The following HYLS1 variants were observed in gnomAD, a reference collection of about 807,000 sequenced individuals.
The protein encoded by HYLS1 is centriolar and ciliogenesis-associated protein HYLS1.
HYLS1 carries 25 observed loss-of-function variants against 29.4 expected under a neutral mutation model. That is an observed-to-expected ratio of 0.85 (90% CI 0.62 to 1.19). The LOEUF (loss-of-function observed/expected upper bound fraction) is 1.19. Among genes scored for constraint, HYLS1 ranks in the 50% most tolerant of loss-of-function variants. The pLI is 0.00. For missense variants in HYLS1, 352 were observed against 365.1 expected (o/e 0.96, Z 0.29); for synonymous variants, 128 against 126.7 (o/e 1.01, Z -0.07).
chr11:125,898,619 A>G (rs751453395), intron 2 of HYLS1, among the ~76,000 whole-genome samples: 3 of 152,042 alleles, frequency 2.0e-5, no homozygotes, highest in African/African-American at 4.8e-5. Context: ...GGAGGTTGCA[A>G]TGAGCCGAGA....
At chr11:125,888,195 G>T (rs1591492208) in intron 1 of HYLS1, 1 of 152,298 alleles carries the variant, frequency 6.6e-6, no homozygotes, top group East Asian at 1.9e-4. Context: ...CCGTTGAAAG[G>T]CGGAGCGTGT....
chr11:125,886,079 C>T (rs1162509556), upstream of HYLS1, among the ~76,000 whole-genome samples: 1 of 152,082 alleles, frequency 6.6e-6, no homozygotes, highest in Non-Finnish European at 1.5e-5. Flanking sequence ...TGAATCATCC[C>T]AAAACCATAC....
At chr11:125,892,070 TG>T (rs1565450218) in intron 2 of HYLS1, among the ~76,000 whole-genome samples, 3 of 152,240 alleles carry the variant, frequency 2.0e-5, no homozygotes, top group African/African-American at 7.2e-5. Flanking sequence ...AGTAAAACTT[TG>T]GATCTCATAA....
At chr11:125,884,177 T>C (rs1365011891), upstream of HYLS1, among the ~76,000 whole-genome samples, 1 of 152,158 alleles carries the variant, frequency 6.6e-6, no homozygotes, top group African/African-American at 2.4e-5. Context: ...AAAGAACATA[T>C]GGATTTGACA....
chr11:125,900,098 C>T lies in HYLS1; in HGVS notation c.730C>T (p.Gln244Ter), dbSNP rs754264688. ...GGAATTACGCTGGGGTGTCCGAGAG[C>T]AGATGCTTTGTCGAGCAGAACCCCA... ...RKELRWGVRE[Q>*]MLCRAEPQSK... Residue 244 changes from glutamine to a stop codon, truncating the protein, a stop_gained, in exon 3 of 3, where the codon CAG becomes TAG. Transcript: ENST00000425380. LOFTEE classifies it high-confidence loss of function. The T allele has an allele frequency of 6.2e-7, 1 of 1,614,174 alleles. No individual in the cohort carries two copies. The highest frequency in any genetic ancestry group is 8.5e-7 in the Non-Finnish European group (1 of 1,180,038).
chr11:125,886,092 C>T (rs73626614), upstream of HYLS1, among the ~76,000 whole-genome samples: 1 of 152,120 alleles, frequency 6.6e-6, no homozygotes, highest in East Asian at 1.9e-4. Context: ...AACCATACCC[C>T]CTCTCTGAGC....
In HYLS1 at chr11:125,889,795, C is replaced by G. The variant is rs1944378930; in HGVS notation, c.-75-1628C>G. On this transcript the variant is annotated intron_variant, in intron 1 of 2. Transcript: ENST00000425380. ...GCCCTCTGGAAAAACGGATTATCCC[C>G]AACACACAGGGCATAATAAGGATGC... 2.0e-5 allele frequency among the ~76,000 whole-genome samples: 3 copies of G among 152,226 alleles called. No homozygotes were observed. In the East Asian group the frequency reaches 5.8e-4, roughly 29 times the overall value.
At chr11:125,896,235 C>T (rs1944585794) in intron 2 of HYLS1, 2 of 1,613,826 alleles carry the variant, frequency 1.2e-6, no homozygotes, top group South Asian at 1.1e-5. Flanking sequence ...TTCTCGTACT[C>T]TTTTTAGGAG....
intron 2 of HYLS1, chr11:125,896,073 T>G (rs761792490): frequency 1.2e-6 from 2 of 1,614,246 alleles, no homozygotes; most frequent in Non-Finnish European, 1.7e-6. Flanking sequence ...CCAGCCCATA[T>G]AGGCTATTCT....
Position 125,899,792 on chromosome 11 carries a change from G to A in HYLS1, c.424G>A (p.Glu142Lys). 1 of 1,614,166 alleles carries A rather than the reference G, an allele frequency of 6.2e-7. No homozygotes were observed. Among genetic ancestry groups the A allele is most frequent in the Non-Finnish European group, 8.5e-7 (1 of 1,180,022 alleles). Reference protein sequence around the residue: ...RQRLMNVQFQEDKESSFDVSQ... With the variant: ...RQRLMNVQFQKDKESSFDVSQ... ...AAGGCTGATGAATGTACAGTTCCAG[G>A]AAGACAAGGAATCTTCATTTGATGT... Residue 142 changes from glutamate to lysine, a missense_variant, in exon 3 of 3, where the codon GAA becomes AAA. Physicochemically the swap from Glu to Lys is moderately conservative, Grantham distance 56. Transcript: ENST00000425380.
chr11:125,884,729 C>T, upstream of HYLS1, among the ~76,000 whole-genome samples: 2 of 152,132 alleles, frequency 1.3e-5, 1 homozygote, highest in Admixed American at 1.3e-4. Context: ...CAAAATAATA[C>T]AAGACAAGGT....
chr11:125,885,287 C>T (rs1290382023), upstream of HYLS1, among the ~76,000 whole-genome samples: 2 of 151,934 alleles, frequency 1.3e-5, no homozygotes, highest in Non-Finnish European at 2.9e-5. Context: ...CCTGTCTCTA[C>T]TAAAAATACA....
upstream of HYLS1, among the ~76,000 whole-genome samples, chr11:125,885,446 G>C (rs1944289744): frequency 6.6e-6 from 1 of 151,706 alleles, no homozygotes. Context: ...GAGAGACTCT[G>C]TCTCAAAAAA....
chr11:125,897,627 T>C (rs1011955767), intron 2 of HYLS1, among the ~76,000 whole-genome samples: 10 of 152,072 alleles, frequency 6.6e-5, no homozygotes, highest in Non-Finnish European at 1.0e-4. Flanking sequence ...AAATTTTAAA[T>C]GCTCAATTTT....
chr11:125,894,350 C>A, intron 2 of HYLS1: 2 of 1,405,674 alleles, frequency 1.4e-6, no homozygotes, highest in Non-Finnish European at 1.9e-6. Context: ...TCTTTAAAAA[C>A]TAAGGGTTAG....
chr11:125,887,471 A>G (rs953963078), upstream of HYLS1: 3 of 152,336 alleles, frequency 2.0e-5, no homozygotes, highest in East Asian at 1.9e-4. Flanking sequence ...TTAAGGCCAC[A>G]TTGGAAATCC....
chr11:125,885,209 T>C (rs1944285091), upstream of HYLS1, among the ~76,000 whole-genome samples: 1 of 152,142 alleles, frequency 6.6e-6, no homozygotes, highest in African/African-American at 2.4e-5. Context: ...CCCAGCACTT[T>C]GGGAGGTGGA....
At chr11:125,888,762 CT>C (rs34904191) in intron 1 of HYLS1, among the ~76,000 whole-genome samples, 129,335 of 140,702 alleles carry the variant, frequency 0.92, 59,584 homozygotes, top group East Asian at 1. Context: ...GAGCAAGACT[CT>C]TGTCTCAAAA....
chr11:125,899,914 C>G lies in HYLS1; in HGVS notation c.546C>G (p.Tyr182Ter), dbSNP rs149584336. Residue 182 changes from tyrosine to a stop codon, truncating the protein, a stop_gained, in exon 3 of 3, where the codon TAC (tyrosine) becomes TAG (stop). Transcript: ENST00000425380. LOFTEE classifies it high-confidence loss of function. ...LQREGMGSPAYEQDLIVASRP... is the reference protein window; with the variant it reads ...LQREGMGSPA ...GAGAAGGAATGGGCTCTCCAGCTTA[C>G]GAACAAGACCTGATTGTTGCCAGCA... 2.8e-5 allele frequency: 46 copies of G among 1,614,068 alleles called. No individual in the cohort carries two copies. Among genetic ancestry groups the G allele is most frequent in the Non-Finnish European group, 3.6e-5 (42 of 1,180,046 alleles).
Sources: gnomAD v4.1 joint callset for allele counts (sites outside exome capture counted in the v4.1 genomes callset) on GRCh38, gnomAD v4.1.1 for gene constraint, MANE v1.5 for transcripts, NCBI Gene and HGNC (gene_info 2026-07-23, HGNC 2026-07-21) for gene names.